TCP11: variants seen among roughly 807,000 people sequenced by gnomAD.
TCP11 encodes T-complex protein 11 homolog.
In TCP11, 34 loss-of-function variants were observed where a neutral mutation model predicts 45.0. The ratio of observed to expected loss-of-function variants is 0.76; its 90% CI spans 0.57 to 1.01. The LOEUF (loss-of-function observed/expected upper bound fraction) is 1.01. Ranked by LOEUF, TCP11 falls within the 50% of genes least tolerant of loss-of-function variation. TCP11 has a pLI of 0.00. For synonymous variants in TCP11, 227 were observed against 227.0 expected, an observed-to-expected ratio of 1.00 and a Z score of 0.00; for missense variants, 523 against 598.1, an observed-to-expected ratio of 0.87 and a Z score of 1.31.
Position 35,120,902 on chromosome 6 carries a change from T to C in TCP11, c.715+7A>G, listed in dbSNP as rs1779158588. ...TTCCCACTCCTGCCCTCACATTATA[T>C]ACATACTAGGCTGCTTATTGAGGAG... On this transcript the variant is annotated splice_region_variant and intron_variant, in intron 6 of 9. Transcript: ENST00000311875. The surrounding 1 kb of genome is among the most constrained non-coding windows in gnomAD (Gnocchi z 4.9). 6.2e-7 allele frequency: 1 copy of C among 1,612,248 alleles called. No homozygotes were observed. Among genetic ancestry groups the C allele is most frequent in the Non-Finnish European group, 8.5e-7 (1 of 1,179,190 alleles).
chr6:35,124,842 G>C (rs1581813925), intron 4 of TCP11, among the ~76,000 whole-genome samples: 2 of 151,702 alleles, frequency 1.3e-5, no homozygotes, highest in South Asian at 4.2e-4. Flanking sequence ...TATTAATTCA[G>C]TTGTGCACAT....
intron 3 of TCP11, among the ~76,000 whole-genome samples, chr6:35,130,317 C>T (rs1780257999): frequency 6.6e-6 from 1 of 151,934 alleles, no homozygotes; most frequent in South Asian, 2.1e-4. Context: ...GATACAATGC[C>T]AAAAACATAA....
chr6:35,121,260 C>T (rs1779204312), intron 5 of TCP11, among the ~76,000 whole-genome samples: 1 of 152,134 alleles, frequency 6.6e-6, no homozygotes, highest in Non-Finnish European at 1.5e-5. Context: ...TTGAAGCCTT[C>T]AGTCTAGATC....
At position 35,120,491 on chromosome 6, in the gene TCP11, C is replaced by T; in HGVS notation, c.871G>A (p.Val291Met). 1 of 1,613,086 alleles carries T rather than the reference C, an allele frequency of 6.2e-7. No homozygotes were observed. The highest frequency in any genetic ancestry group is 8.5e-7 in the Non-Finnish European group (1 of 1,179,602). The change falls in exon 7 of 10, where the codon GTG becomes ATG. Residue 291 changes from valine (V) to methionine (M), a missense_variant. Coordinates refer to ENST00000311875, the MANE Select transcript of TCP11 (RefSeq NM_001370687.1). The surrounding 1 kb of genome is among the most constrained non-coding windows in gnomAD (Gnocchi z 4.9). Reference protein sequence around the residue: ...NNPEPLSPTMVLCQGFLNLLL... With the variant: ...NNPEPLSPTMMLCQGFLNLLL... ...AGGTTCAAGAAGCCCTGACACAGCA[C>T]CATTGTGGGGCTGAGGGGCTCTGGG...
chr6:35,122,456 G>A (rs1779386297), intron 4 of TCP11, 119 bp from the exon 5 acceptor site: 1 of 882,726 alleles, frequency 1.1e-6, no homozygotes, highest in Non-Finnish European at 1.7e-6. Flanking sequence ...AAGAAGTTGG[G>A]TCCCTAAATT....
intron 5 of TCP11, among the ~76,000 whole-genome samples, chr6:35,121,421 A>T (rs74891755): frequency 0.032 from 3,949 of 125,002 alleles, 62 homozygotes; most frequent in Middle Eastern, 0.06. Context: ...TTTTTTTTTT[A>T]AACTTTCTGG....
intron 5 of TCP11, among the ~76,000 whole-genome samples, chr6:35,121,728 G>A (rs1407313913): frequency 2.0e-5 from 3 of 151,288 alleles, no homozygotes; most frequent in Non-Finnish European, 2.9e-5. Context: ...CAGGAGAATC[G>A]CTTGAACCCA....
At chr6:35,122,052 C>G in intron 5 of TCP11, 65 bp downstream of exon 5, 1 of 1,521,196 alleles carries the variant, frequency 6.6e-7, no homozygotes, top group East Asian at 2.3e-5. Flanking sequence ...TAATCTAGGT[C>G]TGGCCCAGCT....
Position 35,136,154 on chromosome 6 carries a change from C to T in TCP11, c.189G>A (p.Gly63=), listed in dbSNP as rs1450123862. The change falls in exon 3 of 10, where the codon GGG becomes GGA. Residue 63 remains glycine, a synonymous_variant. Transcript: ENST00000311875. ...CTTCCATGTAGTAATCACAATTCAT[C>T]CCAATCTTGTTGCTCAGCTTGGAAA... ...NEVSKLSNKI[G]MNCDYYMEEK... is the part of the protein sequence containing the mutation. The T allele has an allele frequency of 6.2e-7, 1 of 1,613,664 alleles. No homozygotes were observed. Among genetic ancestry groups the T allele is most frequent in the Non-Finnish European group, 8.5e-7 (1 of 1,179,842 alleles).
At chr6:35,135,254 T>C (rs1336371871) in intron 3 of TCP11, among the ~76,000 whole-genome samples, 1 of 152,136 alleles carries the variant, frequency 6.6e-6, no homozygotes, top group Non-Finnish European at 1.5e-5. Context: ...ACACACACTC[T>C]TGTTCTCTCC....
intron 4 of TCP11, among the ~76,000 whole-genome samples, chr6:35,126,070 G>A (rs1050688308): frequency 6.6e-6 from 1 of 152,098 alleles, no homozygotes; most frequent in Admixed American, 6.5e-5. Flanking sequence ...AATGGATAGT[G>A]GTGATGGTTA....
rs147248210 is a variant in TCP11 at position 35,139,681 on chromosome 6, C to T, written c.124+1066G>A. On this transcript the variant is annotated intron_variant, in intron 2 of 9. Coordinates refer to ENST00000311875, the MANE Select transcript of TCP11 (RefSeq NM_001370687.1). ...GAAACACTTTCCAACTACAACAAAT[C>T]AAAGTTCATAGCCTGCCTTGATAAG... Among the ~76,000 whole-genome samples, 7 of 152,282 alleles carry T rather than the reference C, an allele frequency of 4.6e-5. No individual in the cohort carries two copies. In the East Asian group the frequency reaches 1.4e-3, roughly 29 times the overall value.
intron 9 of TCP11, among the ~76,000 whole-genome samples, chr6:35,118,868 C>T (rs1778920401): frequency 6.6e-6 from 1 of 152,112 alleles, no homozygotes; most frequent in African/African-American, 2.4e-5. Flanking sequence ...GTAGGGGATT[C>T]CCCACTATAG....
intron 3 of TCP11, among the ~76,000 whole-genome samples, chr6:35,131,682 C>A (rs938208622): frequency 1.3e-5 from 2 of 152,222 alleles, no homozygotes; most frequent in African/African-American, 4.8e-5. Context: ...AACAACTAAT[C>A]GGAACAGGGT....
At chr6:35,129,216 C>A in intron 3 of TCP11, 34 bp from the exon 4 acceptor site, 1 of 1,595,154 alleles carries the variant, frequency 6.3e-7, no homozygotes, top group South Asian at 1.1e-5. Context: ...ATTACTCTCT[C>A]AACCCAAAAA....
intron 3 of TCP11, among the ~76,000 whole-genome samples, chr6:35,134,972 AC>A (rs1176431090): frequency 6.6e-6 from 1 of 151,822 alleles, no homozygotes; most frequent in Non-Finnish European, 1.5e-5. Context: ...ACATGGAGAA[AC>A]CCCATCTCCA....
At chr6:35,121,789 A>G (rs1779280778) in intron 5 of TCP11, among the ~76,000 whole-genome samples, 1 of 151,434 alleles carries the variant, frequency 6.6e-6, no homozygotes, top group South Asian at 2.1e-4. Context: ...CCTGGGCAAC[A>G]AGAGTGAAAC....
chr6:35,132,197 A>G (rs1437979017), intron 3 of TCP11, among the ~76,000 whole-genome samples: 1 of 152,158 alleles, frequency 6.6e-6, no homozygotes, highest in Non-Finnish European at 1.5e-5. Context: ...TAAAGAACAT[A>G]CCATGTTCTA....
rs560421664 is a variant in TCP11 at position 35,140,285 on chromosome 6, G to T, written c.124+462C>A. The T allele has an allele frequency of 7.6e-6, 10 of 1,310,230 alleles. 1 individual carries two copies. In the South Asian group the frequency reaches 1.3e-4, roughly 17 times the overall value. 81.2% of individuals were successfully genotyped at this position (1,310,230 alleles called of 1,614,324 possible). A position where few individuals can be genotyped will look rare whatever the true frequency, so the allele number is the denominator to read the frequency against. On this transcript the variant is annotated intron_variant, in intron 2 of 9. Coordinates refer to ENST00000311875, the MANE Select transcript of TCP11 (RefSeq NM_001370687.1). ...TGAGACTGGACCTACCACGAAGCGC[G>T]GAGAAGACCTTGTGCCCCAACAAGA...
Sources: allele counts gnomAD v4.1 joint callset (sites outside exome capture counted in the v4.1 genomes callset), GRCh38; gene constraint gnomAD v4.1.1; non-coding constraint Gnocchi (gnomAD v3.1); transcripts MANE v1.5; gene names NCBI Gene and HGNC (gene_info 2026-07-23, HGNC 2026-07-21).